SCLT1: variants seen among roughly 807,000 people sequenced by gnomAD.
SCLT1 encodes the protein sodium channel-associated protein 1.
SCLT1 carries 78 observed loss-of-function variants against 112.8 expected under a neutral mutation model. That is an observed-to-expected ratio of 0.69 (90% CI 0.58 to 0.83). SCLT1 has a LOEUF of 0.83. SCLT1 is among the 40% of genes least tolerant of loss of function. SCLT1 has a pLI of 0.00. For missense variants in SCLT1, 747 were observed against 770.4 expected (o/e 0.97, Z 0.36); for synonymous variants, 257 against 254.7 (o/e 1.01, Z -0.09).
chr4:128,952,491 T>C (rs1024151679), intron 14 of SCLT1: 2 of 538,124 alleles, frequency 3.7e-6, no homozygotes, highest in Non-Finnish European at 7.1e-6. Context: ...AAACTCAGCA[T>C]ATGATAGGAG....
At chr4:128,878,495 G>C (rs114413067) in intron 3 of SCLT1, among the ~76,000 whole-genome samples, 23 of 152,136 alleles carry the variant, frequency 1.5e-4, no homozygotes, top group African/African-American at 4.6e-4. Context: ...ACCAACTTTG[G>C]CTCTAATTCA....
At position 128,884,305 on chromosome 4, in the gene SCLT1, C is replaced by G. The variant is rs1451696921; in HGVS notation, c.*172G>C. ...TATAGGATTATATTTTCTTTACTTA[C>G]AGGAAGTGGTCACTGCTCTGTTTTC... is the stretch of plus-strand genomic sequence containing the variant. On this transcript the variant is annotated 3_prime_UTR_variant, in exon 21 of 21. Coordinates refer to ENST00000281142, the MANE Select transcript of SCLT1 (RefSeq NM_144643.4). The G allele has an allele frequency of 6.0e-6, 3 of 499,994 alleles. No homozygotes were observed. In the East Asian group the frequency reaches 9.3e-5, roughly 16 times the overall value. The allele number at this position is 499,994 out of a possible 1,614,324, so 31.0% of individuals were successfully genotyped here.
intron 18 of SCLT1, among the ~76,000 whole-genome samples, chr4:128,900,508 C>A (rs1439177235): frequency 2.0e-5 from 3 of 152,116 alleles, no homozygotes; most frequent in African/African-American, 7.2e-5. Flanking sequence ...CTTCCTTACA[C>A]CTTATACAAA....
intron 3 of SCLT1, among the ~76,000 whole-genome samples, chr4:128,877,542 G>A (rs532135808): frequency 1.1e-3 from 162 of 152,204 alleles, no homozygotes; most frequent in Non-Finnish European, 1.8e-3. Flanking sequence ...TTAGCCAGGC[G>A]TGGTGGCACA....
At chr4:129,085,224 A>G (rs1407871034) in intron 1 of SCLT1, among the ~76,000 whole-genome samples, 2 of 152,238 alleles carry the variant, frequency 1.3e-5, no homozygotes, top group African/African-American at 4.8e-5. Flanking sequence ...GACACCTTTT[A>G]AAAGAAGACA....
At chr4:128,985,856 G>T (rs1742045269) in intron 9 of SCLT1, among the ~76,000 whole-genome samples, 1 of 152,124 alleles carries the variant, frequency 6.6e-6, no homozygotes, top group African/African-American at 2.4e-5. Flanking sequence ...TGGGATTACA[G>T]GCATAAGCCA....
chr4:128,948,355 A>AG (rs1376524160), intron 15 of SCLT1, 141 bp downstream of exon 15: 26 of 1,018,200 alleles, frequency 2.6e-5, no homozygotes, highest in African/African-American at 8.4e-5. Flanking sequence ...AAAAAAAAAA[A>AG]AAAAGAAAAG....
intron 2 of SCLT1, among the ~76,000 whole-genome samples, chr4:129,067,250 A>AAC (rs1750574292): frequency 2.0e-5 from 3 of 150,868 alleles, no homozygotes; most frequent in Non-Finnish European, 3.0e-5. Flanking sequence ...AAAAAAAAAA[A>AAC]CAAATCATTG....
chr4:128,876,030 C>A (rs2125913581), intron 4 of SCLT1, among the ~76,000 whole-genome samples: 1 of 152,172 alleles, frequency 6.6e-6, no homozygotes, highest in Middle Eastern at 3.4e-3. Flanking sequence ...TGTTTCCTGC[C>A]TGAAACAATC....
chr4:129,054,078 C>G (rs541887198), intron 2 of SCLT1, among the ~76,000 whole-genome samples: 1 of 152,242 alleles, frequency 6.6e-6, no homozygotes, highest in South Asian at 2.1e-4. Flanking sequence ...ATATTGGCCC[C>G]CACTCTCTTC....
intron 6 of SCLT1, among the ~76,000 whole-genome samples, chr4:129,000,630 A>T (rs1743392105): frequency 6.6e-6 from 1 of 151,948 alleles, no homozygotes; most frequent in African/African-American, 2.4e-5. Context: ...AATGGACTAC[A>T]TGCTTATGCT....
intron 19 of SCLT1, among the ~76,000 whole-genome samples, chr4:128,890,023 C>G (rs11945441): frequency 0.2 from 29,792 of 152,110 alleles, 3,120 homozygotes; most frequent in Middle Eastern, 0.31. Flanking sequence ...ATGAAGAGAA[C>G]TATATTGGCT....
intron 1 of SCLT1, among the ~76,000 whole-genome samples, chr4:129,084,813 G>T (rs2125779536): frequency 6.6e-6 from 1 of 152,262 alleles, no homozygotes; most frequent in Admixed American, 6.5e-5. Flanking sequence ...TAACCGGCAA[G>T]CCATATGAAA....
chr4:128,938,087 A>C (rs1304372169), intron 17 of SCLT1, among the ~76,000 whole-genome samples: 1 of 152,240 alleles, frequency 6.6e-6, no homozygotes, highest in Middle Eastern at 3.2e-3. Context: ...TATACTAAAG[A>C]AGTATAAAGA....
At chr4:129,027,106 GA>G (rs1160453877) in intron 5 of SCLT1, among the ~76,000 whole-genome samples, 2 of 152,052 alleles carry the variant, frequency 1.3e-5, no homozygotes, top group Non-Finnish European at 2.9e-5. Context: ...ATTCACAGCC[GA>G]ATTCTACCAG....
At chr4:128,898,870 C>T (rs318526) in intron 18 of SCLT1, among the ~76,000 whole-genome samples, 73,212 of 151,984 alleles carry the variant, frequency 0.48, 18,297 homozygotes, top group African/African-American at 0.61. Flanking sequence ...GAAATACAAA[C>T]TACCATCAGA....
At chr4:129,027,515 T>C (rs1359395834) in intron 5 of SCLT1, among the ~76,000 whole-genome samples, 5 of 152,168 alleles carry the variant, frequency 3.3e-5, no homozygotes, top group Non-Finnish European at 7.3e-5. Context: ...TAGGTATTGA[T>C]GGGACGTATC....
At chr4:129,070,143 T>A (rs903898632) in intron 2 of SCLT1, among the ~76,000 whole-genome samples, 1 of 152,174 alleles carries the variant, frequency 6.6e-6, no homozygotes, top group African/African-American at 2.4e-5. Flanking sequence ...CGCTACGTTG[T>A]TGGATACAGT....
downstream of SCLT1, among the ~76,000 whole-genome samples, chr4:128,882,186 C>T (rs1732657428): frequency 6.6e-6 from 1 of 151,888 alleles, no homozygotes; most frequent in Admixed American, 6.6e-5. Flanking sequence ...ATTCTAACAT[C>T]CCTAAAATTT....
Sources: allele counts gnomAD v4.1 joint callset (sites outside exome capture counted in the v4.1 genomes callset), GRCh38; gene constraint gnomAD v4.1.1; transcripts MANE v1.5; gene names NCBI Gene and HGNC (gene_info 2026-07-23, HGNC 2026-07-21).